The following PPFIA1 variants were observed in gnomAD, a reference collection of about 807,000 sequenced individuals.
PPFIA1 encodes the protein PPFI scaffold protein A1.
PPFIA1 carries 25 observed loss-of-function variants against 149.9 expected under a neutral mutation model. The observed-to-expected ratio is 0.17, with a 90% CI of 0.12 to 0.23. The LOEUF is 0.23. Among genes scored for constraint, PPFIA1 ranks in the 10% least tolerant of loss-of-function variants. The pLI, the probability that PPFIA1 is intolerant of heterozygous loss-of-function variation, is 1.00. For missense variants in PPFIA1, 1,362 were observed against 1,506.5 expected, an observed-to-expected ratio of 0.90 and a Z score of 1.59; for synonymous variants, 549 against 552.8, an observed-to-expected ratio of 0.99 and a Z score of 0.10.
At position 70,353,686 on chromosome 11, in the gene PPFIA1, G is replaced by GT. The variant is rs572499225; in HGVS notation, c.2164-612dup. 2.0e-4 allele frequency among the ~76,000 whole-genome samples: 31 copies of GT among 152,304 alleles called. No individual in the cohort carries two copies. In the East Asian group the frequency reaches 5.0e-3, roughly 25 times the overall value. On this transcript the variant is annotated intron_variant, in intron 16 of 27. Transcript: ENST00000253925. ...CTTTTAAGCTATATTGAACAAAAAT[G>GT]TTTAAACTGCATAAAAGTGCTTGAA...
In PPFIA1 at chr11:70,376,614, C is replaced by T. The variant is rs1410899020; in HGVS notation, c.3384+14C>T. The T allele has an allele frequency of 1.3e-6, 2 of 1,593,898 alleles. No individual in the cohort carries two copies. The highest frequency in any genetic ancestry group is 1.1e-5 in the South Asian group (1 of 90,606). On this transcript the variant is annotated intron_variant, in intron 25 of 27. Coordinates refer to ENST00000253925, the MANE Select transcript of PPFIA1 (RefSeq NM_003626.5). ...AGGTTTGATGAAGTAAGTTTTTGGC[C>T]TAATGTTCTTTAAATGTCTGAAATG... is the stretch of plus-strand genomic sequence containing the variant.
chr11:70,326,528 C>T (rs1039268180), intron 6 of PPFIA1, 69 bp from the exon 7 acceptor site: 3 of 1,390,610 alleles, frequency 2.2e-6, no homozygotes, highest in African/African-American at 1.5e-5. Flanking sequence ...TTAGCTATTT[C>T]CTGGAAGTAT....
At chr11:70,341,940 G>T (rs750588229) in intron 14 of PPFIA1, 1 of 152,568 alleles carries the variant, frequency 6.6e-6, no homozygotes, top group East Asian at 1.9e-4. Context: ...AACTGCCATA[G>T]AATAGTCCCG....
intron 23 of PPFIA1, chr11:70,373,616 C>T (rs187652631): frequency 2.4e-4 from 36 of 152,272 alleles, no homozygotes; most frequent in East Asian, 1.4e-3. Context: ...TCACCAATAA[C>T]AATAATGATA....
intron 13 of PPFIA1, 75 bp from the exon 14 acceptor site, chr11:70,339,096 A>G (rs887829769): frequency 7.1e-6 from 11 of 1,554,374 alleles, no homozygotes; most frequent in African/African-American, 1.4e-5. Context: ...CCAAATTGAT[A>G]GATTCTGCCT....
intron 4 of PPFIA1, 90 bp downstream of exon 4, chr11:70,325,101 C>A: frequency 7.8e-7 from 1 of 1,282,608 alleles, no homozygotes; most frequent in Non-Finnish European, 1.1e-6. Flanking sequence ...TTTTTTGAAG[C>A]TTCTTGAATT....
chr11:70,362,794 C>CAA, intron 21 of PPFIA1: 1 of 194,568 alleles, frequency 5.1e-6, no homozygotes. Flanking sequence ...ACGAAAATAC[C>CAA]AAAAAAAATT....
At chr11:70,340,428 G>T (rs1470396129) in intron 14 of PPFIA1, among the ~76,000 whole-genome samples, 1 of 152,224 alleles carries the variant, frequency 6.6e-6, no homozygotes, top group Non-Finnish European at 1.5e-5. Context: ...GGTCAACAGA[G>T]TAAGACCCTG....
At chr11:70,335,763 G>T in intron 11 of PPFIA1, 69 bp downstream of exon 11, 3 of 1,568,300 alleles carry the variant, frequency 1.9e-6, no homozygotes, top group Admixed American at 3.4e-5. Context: ...ATCTGCCCCT[G>T]AGCAGGCGTG....
At chr11:70,325,805 T>A (rs1396002562) in intron 5 of PPFIA1, among the ~76,000 whole-genome samples, 3 of 151,920 alleles carry the variant, frequency 2.0e-5, no homozygotes, top group African/African-American at 7.3e-5. Flanking sequence ...TTGTGGCATG[T>A]TCCTTTAGTC....
At chr11:70,351,028 ATTG>A in intron 16 of PPFIA1, 1 of 1,238,792 alleles carries the variant, frequency 8.1e-7, no homozygotes, top group South Asian at 1.4e-5. Context: ...AGAAAGGTAA[ATTG>A]TTTAGTAATT....
At chr11:70,364,387 C>T (rs1236646278) in intron 21 of PPFIA1, 1 of 152,222 alleles carries the variant, frequency 6.6e-6, no homozygotes, top group Non-Finnish European at 1.5e-5. Flanking sequence ...GGCAGGCCAA[C>T]TCCAGATTTA....
intron 10 of PPFIA1, 40 bp downstream of exon 10, chr11:70,333,593 G>T (rs1193489102): frequency 6.6e-7 from 1 of 1,517,170 alleles, no homozygotes; most frequent in South Asian, 1.2e-5. Context: ...CTGAGTGGGT[G>T]CTGCAAGGTC....
intron 7 of PPFIA1, among the ~76,000 whole-genome samples, chr11:70,329,420 C>T (rs1257038725): frequency 1.3e-5 from 2 of 152,114 alleles, no homozygotes; most frequent in African/African-American, 4.8e-5. Context: ...TTGACATCTT[C>T]ATCAATTTAA....
chr11:70,285,149 G>A (rs1210601760), intron 2 of PPFIA1, among the ~76,000 whole-genome samples: 1 of 151,974 alleles, frequency 6.6e-6, no homozygotes, highest in Non-Finnish European at 1.5e-5. Context: ...TGGGATTACA[G>A]GCGCCCGCCA....
At chr11:70,364,290 A>G (rs1009688938) in intron 21 of PPFIA1, 1 of 152,210 alleles carries the variant, frequency 6.6e-6, no homozygotes, top group African/African-American at 2.4e-5. Context: ...CCATGTGGGA[A>G]GTCCCTCAAA....
intron 16 of PPFIA1, among the ~76,000 whole-genome samples, chr11:70,349,247 T>C (rs552077245): frequency 6.1e-4 from 93 of 152,188 alleles, no homozygotes; most frequent in African/African-American, 2.1e-3. Context: ...CTTCTTCCCT[T>C]CACAGCTTAG....
At chr11:70,330,797 C>T (rs1381320876) in intron 8 of PPFIA1, among the ~76,000 whole-genome samples, 2 of 151,756 alleles carry the variant, frequency 1.3e-5, no homozygotes, top group African/African-American at 4.9e-5. Flanking sequence ...ATTAGCCGGG[C>T]ATGGTGGCAT....
chr11:70,354,170 C>G (rs981657680), intron 16 of PPFIA1, 131 bp from the exon 17 acceptor site: 1 of 983,348 alleles, frequency 1.0e-6, no homozygotes, highest in African/African-American at 1.6e-5. Context: ...TGGTGCCAGA[C>G]TGAAACAAGA....
Sources: allele counts gnomAD v4.1 joint callset (sites outside exome capture counted in the v4.1 genomes callset), GRCh38; gene constraint gnomAD v4.1.1; transcripts MANE v1.5; gene names NCBI Gene and HGNC (gene_info 2026-07-23, HGNC 2026-07-21).